CCDC149: variants seen among roughly 807,000 people sequenced by gnomAD.
CCDC149 encodes coiled-coil domain-containing protein 149.
CCDC149 carries 45 observed loss-of-function variants against 59.9 expected under a neutral mutation model. That is an observed-to-expected ratio of 0.75 (90% CI 0.59 to 0.96). CCDC149 has a LOEUF of 0.96. Ranked by LOEUF, CCDC149 falls within the 40% of genes least tolerant of loss-of-function variation. The pLI, the probability that CCDC149 is intolerant of heterozygous loss-of-function variation, is 0.00. For missense variants in CCDC149, 584 were observed against 664.7 expected (o/e 0.88, Z 1.33); for synonymous variants, 245 against 260.6 (o/e 0.94, Z 0.58).
intron 9 of CCDC149, chr4:24,830,126 G>A (rs973934733): frequency 2.0e-5 from 3 of 152,664 alleles, no homozygotes; most frequent in Non-Finnish European, 2.9e-5. Flanking sequence ...GCAGCCGCAA[G>A]TTGAGAGGCT....
At chr4:24,964,671 A>T (rs1056795296) in intron 1 of CCDC149, among the ~76,000 whole-genome samples, 5 of 152,240 alleles carry the variant, frequency 3.3e-5, no homozygotes, top group Non-Finnish European at 7.3e-5. Flanking sequence ...TGTTTGAAAT[A>T]CTAATGGCTG....
chr4:24,885,745 C>G (rs183834167), intron 1 of CCDC149, among the ~76,000 whole-genome samples: 1 of 152,346 alleles, frequency 6.6e-6, no homozygotes, highest in East Asian at 1.9e-4. Context: ...TTCTGCTGGT[C>G]AAGTTCATGT....
intron 11 of CCDC149, 74 bp from the exon 12 acceptor site, chr4:24,820,049 A>C (rs1715285341): frequency 1.8e-6 from 2 of 1,092,658 alleles, no homozygotes; most frequent in Admixed American, 4.4e-5. Context: ...CCACACACTT[A>C]ATCGGCACAG....
intron 1 of CCDC149, among the ~76,000 whole-genome samples, chr4:24,924,171 AAGAGT>A (rs1722374139): frequency 6.6e-6 from 1 of 152,166 alleles, no homozygotes; most frequent in South Asian, 2.1e-4. Flanking sequence ...TTTGCCAAGA[AAGAGT>A]AGCACCACTC....
At chr4:24,919,042 C>G (rs1426444690) in intron 1 of CCDC149, among the ~76,000 whole-genome samples, 1 of 152,202 alleles carries the variant, frequency 6.6e-6, no homozygotes, top group African/African-American at 2.4e-5. Flanking sequence ...AGCAGCTTAC[C>G]TTTGGGAAAG....
chr4:24,849,366 A>T (rs1717511955), intron 4 of CCDC149, among the ~76,000 whole-genome samples: 2 of 152,174 alleles, frequency 1.3e-5, no homozygotes, highest in Non-Finnish European at 2.9e-5. Context: ...AGGGGATGGT[A>T]TCCAGTAGGT....
chr4:24,813,527 T>TATATATATATATATATAA (rs1405803152), intron 12 of CCDC149, among the ~76,000 whole-genome samples: 2 of 91,278 alleles, frequency 2.2e-5, no homozygotes, highest in African/African-American at 3.9e-5. Context: ...TATATATATA[T>TATATATATATATATATAA]AAAACCTAAA....
chr4:24,958,036 T>TAG (rs1266786629), intron 1 of CCDC149, among the ~76,000 whole-genome samples: 7 of 152,224 alleles, frequency 4.6e-5, no homozygotes, highest in Non-Finnish European at 1.0e-4. Context: ...CATCAGGAAA[T>TAG]GTCTGTCCTT....
chr4:24,878,276 A>G (rs1719606883), intron 1 of CCDC149, among the ~76,000 whole-genome samples: 1 of 152,144 alleles, frequency 6.6e-6, no homozygotes, highest in Non-Finnish European at 1.5e-5. Context: ...AAGGGGAAAG[A>G]AAAGGCATTC....
At chr4:24,898,217 G>A (rs141649060) in intron 1 of CCDC149, among the ~76,000 whole-genome samples, 2 of 152,330 alleles carry the variant, frequency 1.3e-5, no homozygotes, top group African/African-American at 2.4e-5. Flanking sequence ...CTCACCTGGA[G>A]AGGGTTGGGG....
intron 1 of CCDC149, among the ~76,000 whole-genome samples, chr4:24,925,768 A>C (rs562564073): frequency 6.6e-6 from 1 of 152,358 alleles, no homozygotes; most frequent in South Asian, 2.1e-4. Context: ...TCTGAGGCTT[A>C]AACAAGGGAT....
At chr4:24,844,771 CAAAAT>C (rs567966193) in intron 4 of CCDC149, among the ~76,000 whole-genome samples, 6 of 151,704 alleles carry the variant, frequency 4.0e-5, no homozygotes, top group African/African-American at 1.2e-4. Flanking sequence ...GACTCCATCT[CAAAAT>C]AAAATAAAAT....
At chr4:24,952,964 T>G (rs4364247) in intron 1 of CCDC149, among the ~76,000 whole-genome samples, 26,857 of 151,638 alleles carry the variant, frequency 0.18, 3,202 homozygotes, top group African/African-American at 0.33. Flanking sequence ...TTATGAGAAG[T>G]CTAGGTTTGA....
At chr4:24,878,216 T>TAAAAAA (rs66494953) in intron 1 of CCDC149, among the ~76,000 whole-genome samples, 23 of 125,120 alleles carry the variant, frequency 1.8e-4, no homozygotes, top group South Asian at 5.3e-4. Flanking sequence ...TTTTTTTTCC[T>TAAAAAA]AAAAAAAAAA....
intron 1 of CCDC149, among the ~76,000 whole-genome samples, chr4:24,949,287 G>C (rs1240698543): frequency 6.6e-6 from 1 of 152,186 alleles, no homozygotes; most frequent in Non-Finnish European, 1.5e-5. Context: ...AAACAGACCA[G>C]AGAGGCTCTG....
intron 1 of CCDC149, among the ~76,000 whole-genome samples, chr4:24,944,499 T>C (rs1349304653): frequency 6.6e-6 from 1 of 151,246 alleles, no homozygotes; most frequent in Non-Finnish European, 1.5e-5. Context: ...TGTATACATA[T>C]GTAACAAACC....
intron 1 of CCDC149, among the ~76,000 whole-genome samples, chr4:24,896,932 G>A (rs888543780): frequency 1.5e-4 from 23 of 152,144 alleles, no homozygotes; most frequent in Admixed American, 3.9e-4. Flanking sequence ...AAACCATGAG[G>A]TTTGTCATCT....
At chr4:24,896,964 T>C (rs1341712029) in intron 1 of CCDC149, among the ~76,000 whole-genome samples, 12 of 152,192 alleles carry the variant, frequency 7.9e-5, no homozygotes, top group Admixed American at 7.9e-4. Flanking sequence ...TTCCACTATA[T>C]GCAGGACACT....
intron 4 of CCDC149, among the ~76,000 whole-genome samples, chr4:24,841,234 C>T (rs1716916167): frequency 6.6e-6 from 1 of 152,150 alleles, no homozygotes; most frequent in African/African-American, 2.4e-5. Flanking sequence ...TTTTCTTGGT[C>T]TATAAAAAGC....
Sources: allele counts gnomAD v4.1 joint callset (sites outside exome capture counted in the v4.1 genomes callset), GRCh38; gene constraint gnomAD v4.1.1; transcripts MANE v1.5; gene names NCBI Gene and HGNC (gene_info 2026-07-23, HGNC 2026-07-21).